GPC5: variants seen among roughly 807,000 people sequenced by gnomAD.
The protein encoded by GPC5 is glypican-5.
GPC5 carries 47 observed loss-of-function variants against 53.9 expected under a neutral mutation model. That is an observed-to-expected ratio of 0.87 (90% CI 0.69 to 1.11). GPC5 has a LOEUF of 1.11. Among genes scored for constraint, GPC5 ranks in the 50% most tolerant of loss-of-function variants. The pLI is 0.00. For missense variants in GPC5, 748 were observed against 713.1 expected (o/e 1.05, Z -0.56); for synonymous variants, 286 against 263.3 (o/e 1.09, Z -0.84).
At chr13:92,655,356 CAG>C (rs1886096876) in intron 7 of GPC5, among the ~76,000 whole-genome samples, 1 of 149,400 alleles carries the variant, frequency 6.7e-6, no homozygotes, top group Admixed American at 6.7e-5. Flanking sequence ...TTTTTTGAGA[CAG>C]AGTCTTACTC....
At chr13:92,678,587 A>C (rs2139218961) in intron 7 of GPC5, among the ~76,000 whole-genome samples, 1 of 152,336 alleles carries the variant, frequency 6.6e-6, no homozygotes, top group South Asian at 2.1e-4. Context: ...TCCCTGCTAC[A>C]GCAGAGTGAA....
intron 5 of GPC5, among the ~76,000 whole-genome samples, chr13:91,904,140 CTT>C (rs57293387): frequency 6.3e-5 from 6 of 94,636 alleles, no homozygotes; most frequent in Non-Finnish European, 9.8e-5. Context: ...TCTTTTCTTT[CTT>C]TTTTTTTTTT....
At chr13:91,607,631 A>G (rs996752504) in intron 2 of GPC5, among the ~76,000 whole-genome samples, 1 of 152,226 alleles carries the variant, frequency 6.6e-6, no homozygotes, top group African/African-American at 2.4e-5. Context: ...AGAAAGCAGC[A>G]TAATTACATA....
intron 7 of GPC5, among the ~76,000 whole-genome samples, chr13:92,623,022 A>G (rs1446961758): frequency 6.6e-6 from 1 of 152,058 alleles, no homozygotes; most frequent in East Asian, 1.9e-4. Context: ...CAGAAAAGTA[A>G]AAAGTTATAT....
At chr13:91,986,633 T>C (rs2040410756) in intron 6 of GPC5, among the ~76,000 whole-genome samples, 1 of 152,216 alleles carries the variant, frequency 6.6e-6, no homozygotes, top group Non-Finnish European at 1.5e-5. Flanking sequence ...TCTCTTACAT[T>C]GTTTTCCCAA....
intron 7 of GPC5, among the ~76,000 whole-genome samples, chr13:92,307,800 C>A (rs1263386558): frequency 6.6e-6 from 1 of 152,130 alleles, no homozygotes; most frequent in African/African-American, 2.4e-5. Flanking sequence ...AAAATAATAT[C>A]CTCAAATTAT....
chr13:92,559,110 C>T (rs1338598713), intron 7 of GPC5, among the ~76,000 whole-genome samples: 1 of 150,078 alleles, frequency 6.7e-6, no homozygotes, highest in Non-Finnish European at 1.5e-5. Flanking sequence ...GCTTATTTCC[C>T]CTCTGAACTA....
intron 7 of GPC5, among the ~76,000 whole-genome samples, chr13:92,602,456 TA>T (rs1286235037): frequency 6.6e-6 from 1 of 151,864 alleles, no homozygotes; most frequent in Non-Finnish European, 1.5e-5. Flanking sequence ...GTTGTGAACA[TA>T]AACTTGCCAT....
At chr13:91,861,440 G>T (rs573929345) in intron 5 of GPC5, among the ~76,000 whole-genome samples, 1 of 152,014 alleles carries the variant, frequency 6.6e-6, no homozygotes, top group African/African-American at 2.4e-5. Flanking sequence ...CTCATGAATT[G>T]GTTATTTCAT....
chr13:91,427,647 T>C (rs1004498660), intron 1 of GPC5, among the ~76,000 whole-genome samples: 1 of 152,156 alleles, frequency 6.6e-6, no homozygotes, highest in African/African-American at 2.4e-5. Context: ...GAGTTAATGC[T>C]GAAATGAGTT....
chr13:92,803,845 A>G (rs1161180867), intron 7 of GPC5, among the ~76,000 whole-genome samples: 1 of 151,974 alleles, frequency 6.6e-6, no homozygotes, highest in African/African-American at 2.4e-5. Flanking sequence ...TGATTTGCTT[A>G]GAATCATGGA....
chr13:91,679,365 A>G (rs967017295), intron 2 of GPC5, among the ~76,000 whole-genome samples: 1 of 152,172 alleles, frequency 6.6e-6, no homozygotes, highest in Non-Finnish European at 1.5e-5. Context: ...TAAGGAGGTC[A>G]GAAAGATGCT....
intron 6 of GPC5, among the ~76,000 whole-genome samples, chr13:92,037,221 G>A (rs1287207711): frequency 6.6e-6 from 1 of 151,826 alleles, no homozygotes; most frequent in Non-Finnish European, 1.5e-5. Flanking sequence ...ACGTATGCGT[G>A]CACACACACC....
At chr13:92,120,431 A>C (rs1347092121) in intron 6 of GPC5, among the ~76,000 whole-genome samples, 1 of 151,986 alleles carries the variant, frequency 6.6e-6, no homozygotes. Flanking sequence ...CTATTTTTTA[A>C]AATTTTTTTG....
At chr13:92,496,307 T>C (rs1345920078) in intron 7 of GPC5, among the ~76,000 whole-genome samples, 6 of 152,208 alleles carry the variant, frequency 3.9e-5, no homozygotes, top group African/African-American at 1.4e-4. Flanking sequence ...AAATATAAAA[T>C]GGCAAATTTT....
chr13:92,578,650 A>T (rs1229407870), intron 7 of GPC5, among the ~76,000 whole-genome samples: 3 of 152,172 alleles, frequency 2.0e-5, no homozygotes, highest in African/African-American at 7.2e-5. Flanking sequence ...GTTTTGTTCT[A>T]TCTAGTTCCT....
At chr13:92,483,813 A>C (rs954593796) in intron 7 of GPC5, among the ~76,000 whole-genome samples, 3 of 151,744 alleles carry the variant, frequency 2.0e-5, no homozygotes, top group Non-Finnish European at 4.4e-5. Context: ...TTTTTATTAA[A>C]AGCGAAGACA....
intron 4 of GPC5, among the ~76,000 whole-genome samples, chr13:91,735,887 T>A (rs1313801634): frequency 6.6e-6 from 1 of 151,136 alleles, no homozygotes. Flanking sequence ...AAGCAAACTA[T>A]CCACATCTAG....
intron 7 of GPC5, among the ~76,000 whole-genome samples, chr13:92,257,116 TTC>T (rs2042731588): frequency 6.6e-6 from 1 of 152,210 alleles, no homozygotes; most frequent in African/African-American, 2.4e-5. Context: ...ATAAAAAAAT[TTC>T]TGTTTGGCTT....
Sources: gnomAD v4.1 joint callset for allele counts (sites outside exome capture counted in the v4.1 genomes callset) on GRCh38, gnomAD v4.1.1 for gene constraint, MANE v1.5 for transcripts, NCBI Gene and HGNC (gene_info 2026-07-23, HGNC 2026-07-21) for gene names.